Variants in EPHA5 observed in about 807,000 individuals in gnomAD.
EPHA5 encodes the protein ephrin type-A receptor 5.
Under a neutral mutation model 105.0 loss-of-function variants are expected in EPHA5, and 60 were observed. The observed-to-expected ratio is 0.57, with a 90% confidence interval of 0.46 to 0.71. The LOEUF (loss-of-function observed/expected upper bound fraction) is 0.71, where lower values mean the gene tolerates loss of function less well. EPHA5 is among the 30% of genes least tolerant of loss of function. The pLI is 0.00. For synonymous variants in EPHA5, 513 were observed against 449.1 expected, an observed-to-expected ratio of 1.14 and a Z score of -1.80; for missense variants, 1,218 against 1,274.7, an observed-to-expected ratio of 0.96 and a Z score of 0.68.
intron 8 of EPHA5, among the ~76,000 whole-genome samples, chr4:65,386,998 G>A (rs544987371): frequency 2.0e-5 from 3 of 151,966 alleles, no homozygotes; most frequent in Admixed American, 6.6e-5. Flanking sequence ...GAAGCAAGAC[G>A]TCTTGGTAAT....
Position 65,601,920 on chromosome 4 carries a change from A to G in EPHA5, c.631T>C (p.Tyr211His), listed in dbSNP as rs2149439094. 2.5e-6 allele frequency: 4 copies of G among 1,614,190 alleles called. No homozygotes were observed. The highest frequency in any genetic ancestry group is 3.4e-6 in the Non-Finnish European group (4 of 1,180,024). The change falls in exon 3 of 17, where the codon TAT becomes CAT. Residue 211 changes from tyrosine to histidine, a missense_variant. Physicochemically the swap from Tyr to His is moderately conservative, Grantham distance 83. Coordinates refer to ENST00000613740, the MANE Select transcript of EPHA5 (RefSeq NM_001281766.3). ...GCACCAACATCTTGAAAAGCAAGAT[A>G]AAATCCCTTTTTGCTTAGAGGTCCT... The part of the protein sequence containing the change: ...DVGPLSKKGF[Y>H]LAFQDVGACI...
At chr4:65,442,356 T>C (rs1376544325) in intron 5 of EPHA5, among the ~76,000 whole-genome samples, 1 of 152,182 alleles carries the variant, frequency 6.6e-6, no homozygotes, top group African/African-American at 2.4e-5. Flanking sequence ...AGAAGGCAAC[T>C]GTGTGCAAAC....
intron 3 of EPHA5, among the ~76,000 whole-genome samples, chr4:65,591,674 CT>C (rs757696929): frequency 2.0e-5 from 3 of 151,776 alleles, no homozygotes; most frequent in Non-Finnish European, 4.4e-5. Context: ...AGTACAGGGA[CT>C]TTTTTTCCCT....
intron 8 of EPHA5, among the ~76,000 whole-genome samples, chr4:65,384,285 T>C (rs1719874445): frequency 6.6e-6 from 1 of 151,998 alleles, no homozygotes; most frequent in South Asian, 2.1e-4. Flanking sequence ...TCTGTGTTCA[T>C]TTAAGCAGAG....
intron 2 of EPHA5, among the ~76,000 whole-genome samples, chr4:65,629,141 A>C (rs965573385): frequency 5.9e-5 from 9 of 152,148 alleles, no homozygotes; most frequent in African/African-American, 2.2e-4. Flanking sequence ...ACATAGGAAA[A>C]GCAATGTAAA....
chr4:65,624,679 T>A (rs7671758), intron 2 of EPHA5, among the ~76,000 whole-genome samples: 11 of 152,004 alleles, frequency 7.2e-5, no homozygotes, highest in Admixed American at 2.0e-4. Context: ...CAAAACTCTC[T>A]ATTGGATTTA....
chr4:65,550,663 C>T (rs1461014196), intron 3 of EPHA5, among the ~76,000 whole-genome samples: 2 of 151,960 alleles, frequency 1.3e-5, no homozygotes, highest in East Asian at 1.9e-4. Context: ...GGTGAAACCC[C>T]GTCTCTACTA....
At chr4:65,557,493 G>C (rs1312203663) in intron 3 of EPHA5, among the ~76,000 whole-genome samples, 1 of 151,370 alleles carries the variant, frequency 6.6e-6, no homozygotes, top group East Asian at 1.9e-4. Flanking sequence ...TTTGATATAG[G>C]CACTGAAACC....
intron 3 of EPHA5, among the ~76,000 whole-genome samples, chr4:65,547,764 T>C (rs1737522089): frequency 6.6e-6 from 1 of 151,972 alleles, no homozygotes; most frequent in Admixed American, 6.6e-5. Flanking sequence ...AAAGAGAGAT[T>C]TGAATCCAGG....
intron 3 of EPHA5, among the ~76,000 whole-genome samples, chr4:65,519,289 T>G (rs952383892): frequency 6.6e-6 from 1 of 152,038 alleles, no homozygotes; most frequent in African/African-American, 2.4e-5. Context: ...CATGATTACC[T>G]CAATAGATGA....
At chr4:65,373,603 G>A (rs781598021) in intron 8 of EPHA5, among the ~76,000 whole-genome samples, 28 of 151,740 alleles carry the variant, frequency 1.8e-4, no homozygotes, top group Non-Finnish European at 2.9e-4. Context: ...TGTTTTGTTC[G>A]GATTTTGTTT....
chr4:65,643,188 T>C (rs538715544), intron 2 of EPHA5, among the ~76,000 whole-genome samples, 175 bp downstream of exon 2: 1 of 152,134 alleles, frequency 6.6e-6, no homozygotes, highest in Admixed American at 6.5e-5. Context: ...AGCCCTTCCC[T>C]AGTGTTCCTT....
At chr4:65,488,954 C>A (rs1203345510) in intron 5 of EPHA5, among the ~76,000 whole-genome samples, 1 of 141,802 alleles carries the variant, frequency 7.1e-6, no homozygotes, top group Non-Finnish European at 1.5e-5. Context: ...GGCGCGATCT[C>A]GGCTCACTGC....
chr4:65,537,701 T>C (rs977210138), intron 3 of EPHA5, among the ~76,000 whole-genome samples: 2 of 151,718 alleles, frequency 1.3e-5, no homozygotes, highest in Non-Finnish European at 3.0e-5. Flanking sequence ...AGAAATTATA[T>C]AGTGGGAGTT....
At chr4:65,550,884 A>T (rs903150925) in intron 3 of EPHA5, among the ~76,000 whole-genome samples, 3 of 151,978 alleles carry the variant, frequency 2.0e-5, no homozygotes, top group Non-Finnish European at 2.9e-5. Flanking sequence ...AAAACTCCTG[A>T]GTACAAACTT....
At chr4:65,474,105 G>T (rs1484172868) in intron 5 of EPHA5, among the ~76,000 whole-genome samples, 5 of 151,766 alleles carry the variant, frequency 3.3e-5, no homozygotes, top group Admixed American at 3.3e-4. Context: ...CACCAACATG[G>T]CACATGTATA....
At chr4:65,630,490 C>T (rs1746533555) in intron 2 of EPHA5, among the ~76,000 whole-genome samples, 1 of 152,150 alleles carries the variant, frequency 6.6e-6, no homozygotes, top group Non-Finnish European at 1.5e-5. Context: ...GGATTCAAGA[C>T]CCAGAAGTAT....
chr4:65,370,718 T>G (rs1230213237), intron 8 of EPHA5, among the ~76,000 whole-genome samples: 1 of 152,110 alleles, frequency 6.6e-6, no homozygotes, highest in Non-Finnish European at 1.5e-5. Flanking sequence ...TGAGGAGCAG[T>G]TAACATTGCA....
chr4:65,485,862 C>T (rs1226175293), intron 5 of EPHA5, among the ~76,000 whole-genome samples: 1 of 152,124 alleles, frequency 6.6e-6, no homozygotes, highest in East Asian at 1.9e-4. Flanking sequence ...ACTTTCTAAC[C>T]TTCCCTTGTT....
Sources: gnomAD v4.1 joint callset for allele counts (sites outside exome capture counted in the v4.1 genomes callset) on GRCh38, gnomAD v4.1.1 for gene constraint, MANE v1.5 for transcripts, NCBI Gene and HGNC (gene_info 2026-07-23, HGNC 2026-07-21) for gene names.